The following CYGB variants were observed in gnomAD, a reference collection of about 807,000 sequenced individuals.
CYGB encodes cytoglobin.
In CYGB, 13 loss-of-function variants were observed where a neutral mutation model predicts 20.7. The observed-to-expected ratio is 0.63, with a 90% confidence interval of 0.41 to 1.00. CYGB has a LOEUF of 1.00. Ranked by LOEUF, CYGB falls within the 50% of genes least tolerant of loss-of-function variation. The probability of loss-of-function intolerance (pLI) is 0.00; values close to 1 mark genes in which losing one functional copy is unlikely to be tolerated. For synonymous variants in CYGB, 93 were observed against 107.4 expected (o/e 0.87, Z 0.83); for missense variants, 218 against 257.2 (o/e 0.85, Z 1.04).
chr17:76,528,581 C>T lies in CYGB; in HGVS notation c.570G>A (p.Pro190=), dbSNP rs767897368. 11 of 1,287,058 alleles carry T rather than the reference C, an allele frequency of 8.5e-6. No individual in the cohort carries two copies. Among genetic ancestry groups the T allele is most frequent in the South Asian group, 3.1e-5 (1 of 31,914 alleles). The allele number at this position is 1,287,058 out of a possible 1,614,324, so 79.7% of individuals were successfully genotyped here. Residue 190 remains proline, a synonymous_variant, in exon 4 of 4, where the codon CCG becomes CCA. Transcript: ENST00000293230. This position sits in a 1 kb window ranked among gnomAD's most constrained non-coding sequence, Gnocchi z 5.8. The stretch of plus-strand genomic sequence containing the variant: ...GAGGGGGGTGGAGTTAGGGGTCCTA[C>T]GGCCCCGAAGAGGGCAGTGTGGCCG... ...TPPATLPSSG[P]
rs4318240 is a variant in CYGB at position 76,543,010 on chromosome 17, C to T, written c.-53+7852G>A. The T allele has an allele frequency of 0.99, 474,470 of 479,308 alleles. 235,029 individuals are homozygous for T. The highest frequency in any genetic ancestry group is 1 in the East Asian group (14,916 of 14,916). 29.7% of individuals were successfully genotyped at this position (479,308 alleles called of 1,614,324 possible). The stretch of plus-strand genomic sequence containing the variant: ...CAGGTGTGGGAGAAGTGCTGATCTG[C>T]TCTGGTTTTCTGTTTCAGCTCAGGT... On this transcript the variant is annotated intron_variant, in intron 1 of 3. Transcript: ENST00000589145.
At chr17:76,542,573 A>C (rs375740284), upstream of CYGB, 1 of 1,614,172 alleles carries the variant, frequency 6.2e-7, no homozygotes, top group Non-Finnish European at 8.5e-7. Flanking sequence ...CCTCTGAAGT[A>C]AGCCCTCACC....
At position 76,527,552 on chromosome 17, in the gene CYGB, C is replaced by T. The variant is rs1395268982; in HGVS notation, c.*1026G>A. 2.0e-5 allele frequency: 9 copies of T among 443,880 alleles called. No individual in the cohort carries two copies. In the East Asian group the frequency reaches 2.8e-4, roughly 14 times the overall value. 27.5% of individuals were successfully genotyped at this position (443,880 alleles called of 1,614,324 possible). ...GACACACGTGACCAAGGGGCACACA[C>T]GGGGGGCCCCCCTGGCAAGCCTGAC... On this transcript the variant is annotated 3_prime_UTR_variant, in exon 4 of 4. Coordinates refer to ENST00000293230, the MANE Select transcript of CYGB (RefSeq NM_134268.5).
At chr17:76,537,205 C>T (rs913248884) in intron 1 of CYGB, among the ~76,000 whole-genome samples, 195 bp downstream of exon 1, 16 of 152,230 alleles carry the variant, frequency 1.1e-4, no homozygotes, top group Non-Finnish European at 1.9e-4. Flanking sequence ...AACACCGCGC[C>T]GGAGCCAGGG....
rs2143096359 is a variant in CYGB, at chr17:76,533,380, T to C, written c.144-1689A>G. 6.6e-6 allele frequency among the ~76,000 whole-genome samples: 1 copy of C among 152,254 alleles called. No homozygotes were observed. The highest frequency in any genetic ancestry group is 1.5e-5 in the Non-Finnish European group (1 of 68,012). ...GAGGGACAAATGTGAAAAACCCAAT[T>C]TGGACTTAAACAAGCATCTCAGACT... On this transcript the variant is annotated intron_variant, in intron 1 of 3. Coordinates refer to ENST00000293230, the MANE Select transcript of CYGB (RefSeq NM_134268.5). The surrounding 1 kb of genome is among the most constrained non-coding windows in gnomAD (Gnocchi z 4.5).
At chr17:76,541,340 CAA>C (rs1567911672), upstream of CYGB, among the ~76,000 whole-genome samples, 2 of 152,242 alleles carry the variant, frequency 1.3e-5, no homozygotes, top group East Asian at 3.9e-4. Flanking sequence ...CCCAGTGAAA[CAA>C]AGAGTAAAAA....
chr17:76,540,263 G>GC (rs751836791), upstream of CYGB: 16 of 610,924 alleles, frequency 2.6e-5, no homozygotes, highest in African/African-American at 1.9e-4. The surrounding 1 kb of genome is among the most constrained non-coding windows in gnomAD (Gnocchi z 5.0). Flanking sequence ...GGGGGGGGGG[G>GC]CATGGGGCTG....
chr17:76,549,911 T>C (rs1056841713), intron 1 of CYGB: 8 of 152,168 alleles, frequency 5.3e-5, no homozygotes, highest in African/African-American at 1.9e-4. Context: ...TTAGATATTG[T>C]GGGGGTTGAC....
intron 3 of CYGB, chr17:76,529,074 G>T (rs574031274): frequency 1.2e-5 from 11 of 943,576 alleles, no homozygotes; most frequent in Non-Finnish European, 1.4e-5. Flanking sequence ...CCACGCAAAG[G>T]CGCACACCCT....
chr17:76,528,665 C>A lies in CYGB; in HGVS notation c.540-54G>T. 1.2e-5 allele frequency: 15 copies of A among 1,250,228 alleles called. No individual in the cohort carries two copies. Among genetic ancestry groups the A allele is most frequent in the East Asian group, 3.1e-5 (1 of 32,016 alleles). The allele number at this position is 1,250,228 out of a possible 1,614,324, so 77.4% of individuals were successfully genotyped here. ...AACGTTACCAGAGGCAGGGAAGGAC[C>A]CTCGGGGGAAAGGGGGAGGACCTGG... is the stretch of plus-strand genomic sequence containing the variant. On this transcript the variant is annotated intron_variant, in intron 3 of 3. Coordinates refer to ENST00000293230, the MANE Select transcript of CYGB (RefSeq NM_134268.5). This position sits in a 1 kb window ranked among gnomAD's most constrained non-coding sequence, Gnocchi z 5.8.
chr17:76,542,904 G>A, intron 1 of CYGB: 1 of 584,968 alleles, frequency 1.7e-6, no homozygotes, highest in Middle Eastern at 2.8e-4. Context: ...GGTCGTGCTG[G>A]GGCATGAGGG....
chr17:76,547,791 TAC>T (rs906318863), intron 1 of CYGB, among the ~76,000 whole-genome samples: 8 of 142,576 alleles, frequency 5.6e-5, no homozygotes, highest in African/African-American at 8.0e-5. Context: ...CACACAGACA[TAC>T]ACACATTCAC....
chr17:76,542,338 C>A (rs1205492772), upstream of CYGB, among the ~76,000 whole-genome samples: 1 of 152,198 alleles, frequency 6.6e-6, no homozygotes, highest in Non-Finnish European at 1.5e-5. Flanking sequence ...ATCGAGGAAC[C>A]ACCTGCCGAT....
intron 3 of CYGB, chr17:76,529,465 G>C (rs370195391): frequency 4.1e-6 from 4 of 985,330 alleles, no homozygotes; most frequent in South Asian, 9.4e-5. Context: ...AGGGCAGGAC[G>C]GGCAGCGTGC....
intron 1 of CYGB, among the ~76,000 whole-genome samples, chr17:76,534,178 T>TCTCTCTCTCTCTCTCTC (rs1567907880): frequency 7.8e-5 from 5 of 64,028 alleles, no homozygotes; most frequent in South Asian, 6.6e-4. Context: ...CTCTCTCTCT[T>TCTCTCTCTCTCTCTCTC]TCTTTCTTTC....
At chr17:76,545,250 C>T (rs1450482644) in intron 1 of CYGB, 2 of 456,810 alleles carry the variant, frequency 4.4e-6, no homozygotes, top group Non-Finnish European at 4.4e-6. Context: ...GAGCTCCCCA[C>T]AGAAGGCTCC....
chr17:76,531,482 T>G lies in CYGB; in HGVS notation c.353A>C (p.Lys118Thr). 1 of 1,611,770 alleles carries G rather than the reference T, an allele frequency of 6.2e-7. No homozygotes were observed. Among genetic ancestry groups the G allele is most frequent in the East Asian group, 2.2e-5 (1 of 44,768 alleles). The change falls in exon 2 of 4, where the codon AAG (lysine) becomes ACG (threonine). Residue 118 changes from lysine (K) to threonine (T), a missense_variant. This residue lies in a region of CYGB where 66 missense variants were observed against 107.4 expected (regional missense o/e 0.61). Coordinates refer to ENST00000293230, the MANE Select transcript of CYGB (RefSeq NM_134268.5). This position sits in a 1 kb window ranked among gnomAD's most constrained non-coding sequence, Gnocchi z 7.4. ...LVGKAHALKH[K>T]VEPVYFKILS... is the part of the protein sequence containing the mutation. Reference sequence around the variant, plus strand: ...TACCTTGAAGTACACCGGTTCCACCTTGTGCTTGAGGGCGTGGGCTTTCCC... The same window carrying G: ...TACCTTGAAGTACACCGGTTCCACCGTGTGCTTGAGGGCGTGGGCTTTCCC...
At position 76,533,462 on chromosome 17, in the gene CYGB, C is replaced by A. The variant is rs1240891412; in HGVS notation, c.144-1771G>T. On this transcript the variant is annotated intron_variant, in intron 1 of 3. Coordinates refer to ENST00000293230, the MANE Select transcript of CYGB (RefSeq NM_134268.5). The surrounding 1 kb of genome is among the most constrained non-coding windows in gnomAD (Gnocchi z 4.5). ...TGATATGGCCGGGCACGGTGGCTCACGCCTATAATCCTAGCACTTTACGAG... is the reference window on the plus strand; with the variant it reads ...TGATATGGCCGGGCACGGTGGCTCAAGCCTATAATCCTAGCACTTTACGAG... 6.6e-6 allele frequency among the ~76,000 whole-genome samples: 1 copy of A among 152,182 alleles called. No homozygotes were observed. The highest frequency in any genetic ancestry group is 6.5e-5 in the Admixed American group (1 of 15,284).
At chr17:76,534,650 C>A (rs2074895273) in intron 1 of CYGB, among the ~76,000 whole-genome samples, 1 of 152,218 alleles carries the variant, frequency 6.6e-6, no homozygotes, top group Non-Finnish European at 1.5e-5. Context: ...GAATTGATGT[C>A]CAAGATTGCC....
Sources: allele counts gnomAD v4.1 joint callset (sites outside exome capture counted in the v4.1 genomes callset), GRCh38; gene constraint gnomAD v4.1.1; regional missense constraint gnomAD v4.1.1; non-coding constraint Gnocchi (gnomAD v3.1); transcripts MANE v1.5; gene names NCBI Gene and HGNC (gene_info 2026-07-23, HGNC 2026-07-21).